Variants in GNG7 observed in about 807,000 individuals in gnomAD.
GNG7 encodes the protein guanine nucleotide-binding protein G(I)/G(S)/G(O) subunit gamma-7.
Under a neutral mutation model 4.0 loss-of-function variants are expected in GNG7, and 1 was observed. The observed-to-expected ratio is 0.25, with a 90% confidence interval of 0.09 to 1.18. GNG7 has a LOEUF of 1.18. Among genes scored for constraint, GNG7 ranks in the 50% most tolerant of loss-of-function variants. GNG7 has a pLI of 0.50. For missense variants in GNG7, 86 were observed against 91.9 expected (o/e 0.94, Z 0.26); for synonymous variants, 34 against 36.9 (o/e 0.92, Z 0.29).
At chr19:2,685,949 C>T (rs1052198321) in intron 1 of GNG7, among the ~76,000 whole-genome samples, 2 of 152,188 alleles carry the variant, frequency 1.3e-5, no homozygotes, top group Non-Finnish European at 2.9e-5. Context: ...CAGAGCTCTC[C>T]TGTCCCGGCC....
chr19:2,614,541 C>T lies in GNG7; in HGVS notation c.-78+31683G>A, dbSNP rs1308465386. On this transcript the variant is annotated intron_variant, in intron 2 of 4. Transcript: ENST00000382159. The surrounding 1 kb of genome is among the most constrained non-coding windows in gnomAD (Gnocchi z 6.0). Reference sequence around the variant, plus strand: ...CATTTCATAGAAATAGGATGACACACTGTGTGGCCTTTTGGATCTGGCATC... The same window carrying T: ...CATTTCATAGAAATAGGATGACACATTGTGTGGCCTTTTGGATCTGGCATC... Among the ~76,000 whole-genome samples, 2 of 152,132 alleles carry T rather than the reference C, an allele frequency of 1.3e-5. No individual in the cohort carries two copies. Among genetic ancestry groups the T allele is most frequent in the Admixed American group, 6.6e-5 (1 of 15,266 alleles).
At chr19:2,651,049 A>T (rs1455850371) in intron 1 of GNG7, among the ~76,000 whole-genome samples, 1 of 152,174 alleles carries the variant, frequency 6.6e-6, no homozygotes, top group African/African-American at 2.4e-5. Context: ...AGACACAGGC[A>T]AGAAACACTC....
intron 2 of GNG7, among the ~76,000 whole-genome samples, chr19:2,588,503 C>G (rs770075020): frequency 6.6e-6 from 1 of 152,226 alleles, no homozygotes; most frequent in Non-Finnish European, 1.5e-5. Flanking sequence ...TCAAAGGGCC[C>G]GTTCCCCCGG....
chr19:2,556,474 A>G (rs1259113232), intron 2 of GNG7, among the ~76,000 whole-genome samples: 1 of 152,182 alleles, frequency 6.6e-6, no homozygotes, highest in Non-Finnish European at 1.5e-5. Context: ...TTCCGTCACA[A>G]ACATTTGCTA....
rs150864199 is a variant in GNG7 at position 2,515,091 on chromosome 19, G to A, written c.138C>T (p.Asp46=). The change falls in exon 5 of 5, where the codon GAC becomes GAT. Residue 46 remains aspartate, a synonymous_variant. Coordinates refer to ENST00000382159, the MANE Select transcript of GNG7 (RefSeq NM_052847.3). ...MSYCEQHARN[D]PLLVGVPASE... The stretch of plus-strand genomic sequence containing the variant: ...AGGCAGGGACTCCGACCAGCAGGGG[G>A]TCGTTCCGGGCATGTTGCTCACAGT... 6.8e-6 allele frequency: 11 copies of A among 1,613,980 alleles called. No homozygotes were observed. In the East Asian group the frequency reaches 1.6e-4, roughly 23 times the overall value.
At chr19:2,671,995 G>A (rs1389834789) in intron 1 of GNG7, among the ~76,000 whole-genome samples, 1 of 144,296 alleles carries the variant, frequency 6.9e-6, no homozygotes, top group East Asian at 2.1e-4. Context: ...AGCTTGCAGT[G>A]AGCCGAGATT....
intron 1 of GNG7, among the ~76,000 whole-genome samples, chr19:2,652,228 T>C (rs1238623550): frequency 6.6e-6 from 1 of 151,600 alleles, no homozygotes; most frequent in Non-Finnish European, 1.5e-5. Context: ...TTGTAGAACC[T>C]GGAGAATACG....
intron 2 of GNG7, among the ~76,000 whole-genome samples, chr19:2,598,787 C>T (rs1981112778): frequency 2.0e-5 from 3 of 151,488 alleles, no homozygotes; most frequent in Admixed American, 6.6e-5. Context: ...CTCTTGCCAC[C>T]GTTATTCTTT....
intron 3 of GNG7, among the ~76,000 whole-genome samples, chr19:2,552,447 C>G (rs1341878959): frequency 6.6e-6 from 1 of 152,050 alleles, no homozygotes; most frequent in Non-Finnish European, 1.5e-5. Flanking sequence ...TACAATGGTG[C>G]GATCTCGGCT....
chr19:2,663,109 C>T (rs1291534388), intron 1 of GNG7, among the ~76,000 whole-genome samples: 1 of 152,132 alleles, frequency 6.6e-6, no homozygotes, highest in Non-Finnish European at 1.5e-5. Flanking sequence ...ATTTGTTACA[C>T]AGTGATAGAT....
intron 3 of GNG7, among the ~76,000 whole-genome samples, chr19:2,541,572 A>C (rs1370292428): frequency 6.6e-6 from 1 of 151,666 alleles, no homozygotes; most frequent in Non-Finnish European, 1.5e-5. Flanking sequence ...GTCTCTACTA[A>C]AAATACAAAA....
chr19:2,648,323 G>C (rs928965413), intron 1 of GNG7, among the ~76,000 whole-genome samples: 1 of 151,862 alleles, frequency 6.6e-6, no homozygotes, highest in African/African-American at 2.4e-5. Flanking sequence ...TTGAGCCCAG[G>C]AGGTCGAGGC....
intron 3 of GNG7, among the ~76,000 whole-genome samples, chr19:2,539,308 CTT>C (rs869058899): frequency 1.0e-4 from 12 of 117,968 alleles, no homozygotes; most frequent in Admixed American, 8.4e-5. Context: ...TATATACCAA[CTT>C]TTTTTTTTTT....
At position 2,646,609 on chromosome 19, in the gene GNG7, C is replaced by T. The variant is rs150054991; in HGVS notation, c.-134-329G>A. 7.5e-3 allele frequency among the ~76,000 whole-genome samples: 1,139 copies of T among 151,636 alleles called. 16 individuals carry two copies. Among genetic ancestry groups the T allele is most frequent in the Middle Eastern group, 0.027 (8 of 294 alleles). On this transcript the variant is annotated intron_variant, in intron 1 of 4. Transcript: ENST00000382159. ...CTGAGGCAGGAGAATCCCTTGAACC[C>T]GGGAGGCAGAGGGTGCAGTGAGCTG... is the stretch of plus-strand genomic sequence containing the variant.
At position 2,595,812 on chromosome 19, in the gene GNG7, G is replaced by T. The variant is rs574314381; in HGVS notation, c.-77-40624C>A. 3.2e-4 allele frequency among the ~76,000 whole-genome samples: 49 copies of T among 152,062 alleles called. No homozygotes were observed. In the South Asian group the frequency reaches 6.5e-3, roughly 20 times the overall value. On this transcript the variant is annotated intron_variant, in intron 2 of 4. Coordinates refer to ENST00000382159, the MANE Select transcript of GNG7 (RefSeq NM_052847.3). ...CGCCAATGTACAATGCACTCCATAT[G>T]GCTGTACGTATCTATGTGAGTGTGC... is the stretch of plus-strand genomic sequence containing the variant.
chr19:2,536,835 C>T (rs1423275982), intron 3 of GNG7, among the ~76,000 whole-genome samples: 3 of 152,112 alleles, frequency 2.0e-5, no homozygotes, highest in African/African-American at 7.2e-5. Context: ...TCGGGAGGGG[C>T]TCTCTTGGCC....
chr19:2,591,112 G>C lies in GNG7; in HGVS notation c.-77-35924C>G, dbSNP rs572434115. On this transcript the variant is annotated intron_variant, in intron 2 of 4. Transcript: ENST00000382159. ...TAAGTATGTTGTTCCTTGGATTCCT[G>C]ATGCTCTCAGTAACCTAGCAACTCA... Among the ~76,000 whole-genome samples, 46 of 152,258 alleles carry C rather than the reference G, an allele frequency of 3.0e-4. No individual in the cohort carries two copies. The South Asian group carries it at 9.5e-3, about 32-fold the overall frequency.
intron 2 of GNG7, among the ~76,000 whole-genome samples, chr19:2,636,505 C>G (rs1418003969): frequency 6.6e-6 from 1 of 152,162 alleles, no homozygotes; most frequent in Non-Finnish European, 1.5e-5. Context: ...GGCCACCCAG[C>G]CCTCCAGGGA....
intron 3 of GNG7, among the ~76,000 whole-genome samples, chr19:2,545,607 C>A (rs8110827): frequency 1.4e-5 from 2 of 143,442 alleles, no homozygotes; most frequent in Non-Finnish European, 3.0e-5. Flanking sequence ...GCCAAGATTG[C>A]GCCACTATAC....
Sources: allele counts gnomAD v4.1 joint callset (sites outside exome capture counted in the v4.1 genomes callset), GRCh38; gene constraint gnomAD v4.1.1; non-coding constraint Gnocchi (gnomAD v3.1); transcripts MANE v1.5; gene names NCBI Gene and HGNC (gene_info 2026-07-23, HGNC 2026-07-21).